HIKESHI: variants seen among roughly 807,000 people sequenced by gnomAD.
HIKESHI encodes heat shock protein nuclear import factor hikeshi, also known as protein Hikeshi.
HIKESHI carries 13 observed loss-of-function variants against 25.7 expected under a neutral mutation model. The observed-to-expected ratio is 0.51, with a 90% CI of 0.33 to 0.80. HIKESHI has a LOEUF of 0.80. Ranked by LOEUF, HIKESHI falls within the 30% of genes least tolerant of loss-of-function variation. The probability of loss-of-function intolerance (pLI) is 0.02; values close to 1 mark genes in which losing one functional copy is unlikely to be tolerated. For synonymous variants in HIKESHI, 76 were observed against 78.7 expected (o/e 0.97, Z 0.18); for missense variants, 174 against 229.5 (o/e 0.76, Z 1.56).
chr11:86,345,185 T>A (rs538606812), intron 4 of HIKESHI: 1 of 1,026,410 alleles, frequency 9.7e-7, no homozygotes, highest in Non-Finnish European at 1.2e-6. Flanking sequence ...ATGGAGAGCA[T>A]TGGAATGCAC....
intron 2 of HIKESHI, among the ~76,000 whole-genome samples, chr11:86,306,736 A>G (rs1336699275): frequency 6.6e-6 from 1 of 151,896 alleles, no homozygotes. Context: ...GCGGCGGCTC[A>G]TTCCTGTATC....
At chr11:86,342,478 C>CGTGTGTGT (rs34980731) in intron 3 of HIKESHI, among the ~76,000 whole-genome samples, 123 of 147,460 alleles carry the variant, frequency 8.3e-4, no homozygotes, top group East Asian at 7.6e-3. Flanking sequence ...TAAAGATGTT[C>CGTGTGTGT]GTGTGTGTGT....
chr11:86,311,045 G>T (rs866105018), intron 2 of HIKESHI, among the ~76,000 whole-genome samples: 17 of 152,140 alleles, frequency 1.1e-4, no homozygotes, highest in African/African-American at 4.1e-4. Flanking sequence ...TCTCTGCTAG[G>T]CTTTGGTATC....
rs1947837859 is a variant in HIKESHI at position 86,345,095 on chromosome 11, T to C, written c.539+374T>C. 7 of 1,082,390 alleles carry C rather than the reference T, an allele frequency of 6.5e-6. No homozygotes were observed. In the East Asian group the frequency reaches 3.0e-4, roughly 46 times the overall value. 67.0% of individuals were successfully genotyped at this position (1,082,390 alleles called of 1,614,324 possible). A position where few individuals can be genotyped will look rare whatever the true frequency, so the allele number is the denominator to read the frequency against. The stretch of plus-strand genomic sequence containing the variant: ...TTCCAACTTTCCCGTGTTTTATAGA[T>C]ATTTCTTTTCACTTTGAGTATCCTA... On this transcript the variant is annotated intron_variant, in intron 4 of 4. Transcript: ENST00000278483.
intron 2 of HIKESHI, among the ~76,000 whole-genome samples, chr11:86,320,781 A>C (rs1486955229): frequency 1.3e-5 from 2 of 152,180 alleles, no homozygotes; most frequent in Non-Finnish European, 2.9e-5. Context: ...CTACTGATGT[A>C]CTTTATGTCA....
rs1236081432 is a variant in HIKESHI at position 86,302,374 on chromosome 11, C to T, written c.-75C>T. ...GCAAATTCTGGAAGGTTCTTAGTCT[C>T]GACTAGGGCAGTAGCCCCAGGACTC... On this transcript the variant is annotated 5_prime_UTR_variant, in exon 1 of 5. Coordinates refer to ENST00000278483, the MANE Select transcript of HIKESHI (RefSeq NM_016401.4). 9 of 1,535,144 alleles carry T rather than the reference C, an allele frequency of 5.9e-6. No individual in the cohort carries two copies. The highest frequency in any genetic ancestry group is 7.9e-6 in the Non-Finnish European group (9 of 1,134,102).
At chr11:86,326,578 T>G (rs1278701041) in intron 2 of HIKESHI, 2 of 456,008 alleles carry the variant, frequency 4.4e-6, no homozygotes, top group African/African-American at 4.0e-5. Context: ...ATATTAAATA[T>G]CACACCAAGA....
chr11:86,344,685 C>G lies in HIKESHI; in HGVS notation c.503C>G (p.Ser168Cys). 1 of 1,611,684 alleles carries G rather than the reference C, an allele frequency of 6.2e-7. No homozygotes were observed. Among genetic ancestry groups the G allele is most frequent in the South Asian group, 1.1e-5 (1 of 90,962 alleles). Reference protein sequence around the residue: ...VSQAQMTPSPSEMFIPANVVL... With the variant: ...VSQAQMTPSPCEMFIPANVVL... ...CAGGCCCAGATGACACCAAGCCCAT[C>G]TGAAATGTTCATTCCGGCAAATGTG... The change falls in exon 4 of 5, where the codon TCT becomes TGT. Residue 168 changes from serine to cysteine, a missense_variant. Transcript: ENST00000278483.
chr11:86,315,351 G>A (rs888633768), intron 2 of HIKESHI, among the ~76,000 whole-genome samples: 11 of 149,496 alleles, frequency 7.4e-5, no homozygotes, highest in Non-Finnish European at 1.2e-4. Context: ...AGTCAGTTTC[G>A]CTCTTACTGC....
At chr11:86,344,778 T>C in intron 4 of HIKESHI, 57 bp downstream of exon 4, 1 of 1,127,286 alleles carries the variant, frequency 8.9e-7, no homozygotes, top group Non-Finnish European at 1.3e-6. Context: ...ATATCTATTT[T>C]GTCTATGAAT....
At chr11:86,308,100 C>T (rs1424539963) in intron 2 of HIKESHI, among the ~76,000 whole-genome samples, 1 of 117,646 alleles carries the variant, frequency 8.5e-6, no homozygotes, top group Non-Finnish European at 1.6e-5. Flanking sequence ...TATAAATATA[C>T]TATATACTAT....
chr11:86,344,584 T>A lies in HIKESHI; in HGVS notation c.421-19T>A. Reference sequence around the variant, plus strand: ...TGAAGTATTCAGTATAATCCATTAATCTATTATTAACTTTTCAGTTCACAC... The same window carrying A: ...TGAAGTATTCAGTATAATCCATTAAACTATTATTAACTTTTCAGTTCACAC... On this transcript the variant is annotated intron_variant, in intron 3 of 4. Transcript: ENST00000278483. The A allele has an allele frequency of 7.4e-7, 1 of 1,357,254 alleles. No individual in the cohort carries two copies. Among genetic ancestry groups the A allele is most frequent in the Non-Finnish European group, 1.0e-6 (1 of 955,556 alleles). 84.1% of individuals were successfully genotyped at this position (1,357,254 alleles called of 1,614,324 possible).
chr11:86,310,309 T>C (rs1157296259), intron 2 of HIKESHI, among the ~76,000 whole-genome samples: 1 of 151,568 alleles, frequency 6.6e-6, no homozygotes, highest in African/African-American at 2.4e-5. Flanking sequence ...TTCCTAGGTA[T>C]TTTATTCTCT....
At chr11:86,302,741 C>G (rs1946529284) in intron 1 of HIKESHI, among the ~76,000 whole-genome samples, 1 of 152,156 alleles carries the variant, frequency 6.6e-6, no homozygotes, top group South Asian at 2.1e-4. Flanking sequence ...GCAATGCACG[C>G]CTTTGGTCAC....
chr11:86,303,836 A>T (rs1428384630), intron 1 of HIKESHI, among the ~76,000 whole-genome samples: 1 of 152,160 alleles, frequency 6.6e-6, no homozygotes, highest in Non-Finnish European at 1.5e-5. Context: ...TCTTAAAGAG[A>T]TACACCTTTT....
intron 2 of HIKESHI, among the ~76,000 whole-genome samples, chr11:86,321,673 G>T (rs1170038371): frequency 6.6e-6 from 1 of 151,674 alleles, no homozygotes; most frequent in Admixed American, 6.6e-5. Flanking sequence ...GGAATTATAG[G>T]CACCCGCCAT....
intron 2 of HIKESHI, among the ~76,000 whole-genome samples, chr11:86,316,506 C>T (rs1249978150): frequency 2.0e-5 from 3 of 151,782 alleles, no homozygotes; most frequent in South Asian, 4.2e-4. Flanking sequence ...AGTGAGACTC[C>T]ATCTTCAAAA....
chr11:86,326,324 TA>T (rs1172971542), intron 2 of HIKESHI, among the ~76,000 whole-genome samples: 3 of 151,976 alleles, frequency 2.0e-5, no homozygotes, highest in African/African-American at 7.2e-5. Flanking sequence ...AAATAAAAAA[TA>T]AAATAAAAAG....
In HIKESHI at chr11:86,345,675, G is replaced by T; in HGVS notation, c.*37G>T. The T allele has an allele frequency of 7.5e-7, 1 of 1,340,316 alleles. No homozygotes were observed. Among genetic ancestry groups the T allele is most frequent in the Non-Finnish European group, 1.0e-6 (1 of 957,968 alleles). 83.0% of individuals were successfully genotyped at this position (1,340,316 alleles called of 1,614,324 possible). A position where few individuals can be genotyped will look rare whatever the true frequency, so the allele number is the denominator to read the frequency against. On this transcript the variant is annotated 3_prime_UTR_variant, in exon 5 of 5. Transcript: ENST00000278483. ...TAATTTTTAATGGATTCTGAAATTT[G>T]TCATGTTTTGAAGATAACTGACTCC...
Sources: gnomAD v4.1 joint callset for allele counts (sites outside exome capture counted in the v4.1 genomes callset) on GRCh38, gnomAD v4.1.1 for gene constraint, MANE v1.5 for transcripts, NCBI Gene and HGNC (gene_info 2026-07-23, HGNC 2026-07-21) for gene names.